The following IMMP2L variants were observed in gnomAD, a reference collection of about 807,000 sequenced individuals.
IMMP2L encodes the protein inner mitochondrial membrane peptidase subunit 2, also known as mitochondrial inner membrane protease subunit 2.
IMMP2L carries 18 observed loss-of-function variants against 19.3 expected under a neutral mutation model. The ratio of observed to expected loss-of-function variants is 0.93; its 90% CI spans 0.64 to 1.38. The LOEUF is 1.38. Among genes scored for constraint, IMMP2L ranks in the 40% most tolerant of loss-of-function variants. IMMP2L has a pLI of 0.00. For missense variants in IMMP2L, 233 were observed against 218.2 expected, an observed-to-expected ratio of 1.07 and a Z score of -0.43; for synonymous variants, 76 against 73.0, an observed-to-expected ratio of 1.04 and a Z score of -0.21.
chr7:110,690,348 T>C (rs1584511049), intron 5 of IMMP2L, among the ~76,000 whole-genome samples: 1 of 152,204 alleles, frequency 6.6e-6, no homozygotes, highest in Non-Finnish European at 1.5e-5. Flanking sequence ...AATTTCACTT[T>C]AGTTCAGTCT....
chr7:111,393,481 T>A (rs1832583244), intron 3 of IMMP2L, among the ~76,000 whole-genome samples: 1 of 152,094 alleles, frequency 6.6e-6, no homozygotes, highest in South Asian at 2.1e-4. Context: ...GAACACTGCA[T>A]ATTTTCAATT....
chr7:111,130,370 C>T (rs1371545042), intron 3 of IMMP2L, among the ~76,000 whole-genome samples: 1 of 152,034 alleles, frequency 6.6e-6, no homozygotes, highest in East Asian at 1.9e-4. Context: ...GAAGGATGAG[C>T]TACAACGACA....
intron 3 of IMMP2L, among the ~76,000 whole-genome samples, chr7:111,303,551 T>C (rs1441341928): frequency 6.6e-6 from 1 of 152,102 alleles, no homozygotes; most frequent in Admixed American, 6.6e-5. Flanking sequence ...TATATTTTAT[T>C]TTGTGGGACT....
At chr7:111,033,677 A>T (rs1791054480) in intron 3 of IMMP2L, among the ~76,000 whole-genome samples, 1 of 152,226 alleles carries the variant, frequency 6.6e-6, no homozygotes, top group Admixed American at 6.5e-5. Flanking sequence ...TGGAAGAACC[A>T]TTAATGTATA....
In IMMP2L at chr7:110,668,532, A is replaced by G. The variant is rs143085091; in HGVS notation, c.409-4811T>C. On this transcript the variant is annotated intron_variant, in intron 5 of 5. Coordinates refer to ENST00000405709, the MANE Select transcript of IMMP2L (RefSeq NM_032549.4). Reference sequence around the variant, plus strand: ...CTTCTAACTTGGCTGAACTCTTGCCAATATATCTGCTCGCTTGCTTAGCTT... The same window carrying G: ...CTTCTAACTTGGCTGAACTCTTGCCGATATATCTGCTCGCTTGCTTAGCTT... Among the ~76,000 whole-genome samples the G allele has an allele frequency of 3.8e-4, 58 of 152,330 alleles. No homozygotes were observed. In the East Asian group the frequency reaches 0.011, roughly 28 times the overall value.
At chr7:110,814,162 C>T (rs534278844) in intron 5 of IMMP2L, among the ~76,000 whole-genome samples, 129 of 152,030 alleles carry the variant, frequency 8.5e-4, no homozygotes, top group African/African-American at 2.8e-3. Flanking sequence ...CAGTTCTAAA[C>T]GCATAGTCAA....
intron 5 of IMMP2L, among the ~76,000 whole-genome samples, chr7:110,848,494 G>T (rs538005514): frequency 1.3e-5 from 2 of 152,250 alleles, no homozygotes; most frequent in Middle Eastern, 3.4e-3. Flanking sequence ...AGAATACAGT[G>T]TGGCAGTTTC....
Position 111,172,641 on chromosome 7 carries a change from C to G in IMMP2L, c.240-209076G>C, listed in dbSNP as rs185457008. On this transcript the variant is annotated intron_variant, in intron 3 of 5. Transcript: ENST00000405709. ...AATCCATTAACCAGCCTTTGGCTAT[C>G]TCCTTCTTCCCCTTTCCTTCCCCTC... Among the ~76,000 whole-genome samples the G allele has an allele frequency of 7.8e-4, 118 of 151,606 alleles. 1 individual carries two copies. The highest frequency in any genetic ancestry group is 2.7e-3 in the African/African-American group (110 of 41,460).
At chr7:111,181,959 A>G (rs756217073) in intron 3 of IMMP2L, among the ~76,000 whole-genome samples, 26 of 152,088 alleles carry the variant, frequency 1.7e-4, no homozygotes, top group Non-Finnish European at 3.2e-4. Flanking sequence ...TTGGGCTTCA[A>G]AAGTTTTAAG....
intron 1 of IMMP2L, among the ~76,000 whole-genome samples, chr7:111,540,912 G>C (rs1848456567): frequency 6.6e-6 from 1 of 152,102 alleles, no homozygotes; most frequent in South Asian, 2.1e-4. Flanking sequence ...GGCCAGATCA[G>C]GCTGTATTGA....
rs576732621 is a variant in IMMP2L at position 111,446,136 on chromosome 7, GC to G, written c.239+41101del. On this transcript the variant is annotated intron_variant, in intron 3 of 5. Coordinates refer to ENST00000405709, the MANE Select transcript of IMMP2L (RefSeq NM_032549.4). ...GCGGCAGCAAGGCTGGGGGAGGGGC[GC>G]CCGCCATTGCCCAGGCTTGCTTAGG... Among the ~76,000 whole-genome samples the G allele has an allele frequency of 3.7e-4, 56 of 152,038 alleles. 1 individual carries two copies. Among genetic ancestry groups the G allele is most frequent in the African/African-American group, 1.2e-3 (51 of 41,504 alleles).
intron 5 of IMMP2L, among the ~76,000 whole-genome samples, chr7:110,678,493 A>G (rs1379416392): frequency 1.3e-5 from 2 of 152,146 alleles, no homozygotes; most frequent in African/African-American, 4.8e-5. Flanking sequence ...TCAGAGACAT[A>G]GGCTCAATCC....
At chr7:111,203,580 T>TA (rs1376931304) in intron 3 of IMMP2L, among the ~76,000 whole-genome samples, 1 of 150,790 alleles carries the variant, frequency 6.6e-6, no homozygotes, top group East Asian at 1.9e-4. Context: ...TTTTTTTTTT[T>TA]TTTTTTCAAT....
chr7:111,023,543 CAAAAAAA>C, intron 3 of IMMP2L, among the ~76,000 whole-genome samples: 1 of 133,086 alleles, frequency 7.5e-6, no homozygotes, highest in Non-Finnish European at 1.6e-5. Flanking sequence ...ACTAAAAATA[CAAAAAAA>C]AAAAAAAAAA....
intron 3 of IMMP2L, among the ~76,000 whole-genome samples, chr7:111,227,042 G>C (rs1052877375): frequency 1.3e-5 from 2 of 152,056 alleles, no homozygotes; most frequent in Admixed American, 6.6e-5. Context: ...AGAAGGCAAT[G>C]GATAAGAGAA....
chr7:110,882,111 G>A (rs1809701241), intron 5 of IMMP2L, among the ~76,000 whole-genome samples: 1 of 151,958 alleles, frequency 6.6e-6, no homozygotes, highest in Non-Finnish European at 1.5e-5. Context: ...CCTCTTACCT[G>A]CCCCTTCTAG....
intron 3 of IMMP2L, among the ~76,000 whole-genome samples, chr7:111,188,947 A>T (rs1408440287): frequency 6.6e-6 from 1 of 152,114 alleles, no homozygotes; most frequent in Non-Finnish European, 1.5e-5. Context: ...GAAGATCAGA[A>T]CTACAGATAT....
chr7:110,861,967 G>A (rs1457949486), intron 5 of IMMP2L, among the ~76,000 whole-genome samples: 1 of 151,990 alleles, frequency 6.6e-6, no homozygotes, highest in Non-Finnish European at 1.5e-5. Flanking sequence ...TATAAATTAT[G>A]TCCACATGAC....
chr7:111,047,525 G>A (rs1317959375), intron 3 of IMMP2L, among the ~76,000 whole-genome samples: 1 of 152,028 alleles, frequency 6.6e-6, no homozygotes, highest in African/African-American at 2.4e-5. Context: ...CTTTCTCTTG[G>A]ATTTCAAGAT....
Sources: gnomAD v4.1 joint callset for allele counts (sites outside exome capture counted in the v4.1 genomes callset) on GRCh38, gnomAD v4.1.1 for gene constraint, MANE v1.5 for transcripts, NCBI Gene and HGNC (gene_info 2026-07-23, HGNC 2026-07-21) for gene names.